Variants in TENM2 observed in about 807,000 individuals in gnomAD.
TENM2 encodes the protein teneurin-2.
In TENM2, 52 loss-of-function variants were observed where a neutral mutation model predicts 245.2. The ratio of observed to expected loss-of-function variants is 0.21; its 90% confidence interval spans 0.17 to 0.27. The LOEUF (loss-of-function observed/expected upper bound fraction) is 0.27, where lower values mean the gene tolerates loss of function less well. TENM2 is among the 10% of genes least tolerant of loss of function. The pLI is 1.00. For synonymous variants in TENM2, 1,363 were observed against 1,438.9 expected, an observed-to-expected ratio of 0.95 and a Z score of 1.19; for missense variants, 3,046 against 3,666.8, an observed-to-expected ratio of 0.83 and a Z score of 4.37.
intron 2 of TENM2, among the ~76,000 whole-genome samples, chr5:167,511,407 C>T (rs938176780): frequency 6.6e-6 from 1 of 152,158 alleles, no homozygotes; most frequent in Non-Finnish European, 1.5e-5. Flanking sequence ...CTCCTCCTCC[C>T]TAGGACAGAG....
chr5:167,739,847 A>G (rs1261909145), intron 2 of TENM2, among the ~76,000 whole-genome samples: 1 of 152,162 alleles, frequency 6.6e-6, no homozygotes, highest in African/African-American at 2.4e-5. Context: ...AAATGACACA[A>G]TATACACATG....
the TENM2 span, among the ~76,000 whole-genome samples, chr5:167,215,393 C>T: frequency 6.6e-6 from 1 of 152,182 alleles, no homozygotes; most frequent in South Asian, 2.1e-4. Flanking sequence ...ATGATATTCT[C>T]TCTCTTTGTT....
chr5:167,284,544 T>C (rs947862225), upstream of TENM2, among the ~76,000 whole-genome samples: 2 of 152,246 alleles, frequency 1.3e-5, no homozygotes, highest in South Asian at 2.1e-4. Context: ...ACTATTTTTT[T>C]CCAAATCTAT....
chr5:167,676,331 A>G (rs998604929), intron 2 of TENM2, among the ~76,000 whole-genome samples: 7 of 151,926 alleles, frequency 4.6e-5, no homozygotes, highest in African/African-American at 1.7e-4. Flanking sequence ...TTCTTCATCC[A>G]TCGCTAAACA....
At position 167,712,953 on chromosome 5, in the gene TENM2, G is replaced by A. The variant is rs548832666; in HGVS notation, c.503-163033G>A. On this transcript the variant is annotated intron_variant, in intron 2 of 28. Coordinates refer to ENST00000518659, the Ensembl canonical transcript of TENM2. ...ATCTTCTTGCTAGAAGCAACTGATT[G>A]TACCTATCAAGCCCAAGACAGAGCC... Among the ~76,000 whole-genome samples, 15 of 152,250 alleles carry A rather than the reference G, an allele frequency of 9.9e-5. No individual in the cohort carries two copies. The South Asian group carries it at 3.1e-3, about 32-fold the overall frequency.
At chr5:167,021,057 T>A in the TENM2 span, among the ~76,000 whole-genome samples, 1 of 152,108 alleles carries the variant, frequency 6.6e-6, no homozygotes, top group East Asian at 1.9e-4. Context: ...GGCACAAGAA[T>A]TGCTTCAACC....
the TENM2 span, among the ~76,000 whole-genome samples, chr5:167,157,308 T>C: frequency 1.3e-5 from 2 of 152,222 alleles, no homozygotes; most frequent in Non-Finnish European, 2.9e-5. Flanking sequence ...AGGTGGTTTG[T>C]TCTTTGATAA....
intron 2 of TENM2, among the ~76,000 whole-genome samples, chr5:167,530,703 G>C (rs1290468860): frequency 6.6e-6 from 1 of 152,152 alleles, no homozygotes; most frequent in Non-Finnish European, 1.5e-5. Flanking sequence ...CTTCGCTGTA[G>C]AGCTGTTCAG....
At chr5:167,116,824 G>A in the TENM2 span, 16 of 152,094 alleles carry the variant, frequency 1.1e-4, no homozygotes, top group Admixed American at 2.0e-4. Context: ...AGACTTTATT[G>A]TATTGTAATT....
intron 5 of TENM2, among the ~76,000 whole-genome samples, chr5:168,043,705 C>T (rs956213341): frequency 6.6e-6 from 1 of 152,210 alleles, no homozygotes; most frequent in African/African-American, 2.4e-5. Flanking sequence ...TTCATGTCTT[C>T]ATACATGCTG....
chr5:167,118,135 A>C, the TENM2 span, among the ~76,000 whole-genome samples: 2 of 152,254 alleles, frequency 1.3e-5, no homozygotes, highest in Admixed American at 1.3e-4. Flanking sequence ...AGTTATTCAT[A>C]GTATTCTTCC....
chr5:167,437,007 C>T (rs1357919781), intron 2 of TENM2, among the ~76,000 whole-genome samples: 1 of 152,176 alleles, frequency 6.6e-6, no homozygotes, highest in Non-Finnish European at 1.5e-5. Flanking sequence ...GGGGTTGGAG[C>T]CCCCTCACAG....
intron 5 of TENM2, among the ~76,000 whole-genome samples, chr5:168,029,925 A>G (rs1786963812): frequency 6.6e-6 from 1 of 152,138 alleles, no homozygotes. Context: ...GATAGTTTGG[A>G]AAGCAGAGTT....
chr5:167,463,794 C>G (rs1766477096), intron 2 of TENM2, among the ~76,000 whole-genome samples: 1 of 152,134 alleles, frequency 6.6e-6, no homozygotes, highest in Non-Finnish European at 1.5e-5. Flanking sequence ...CTGCGCCCAG[C>G]CGAAGATATT....
chr5:167,077,017 A>T, the TENM2 span, among the ~76,000 whole-genome samples: 1 of 152,046 alleles, frequency 6.6e-6, no homozygotes, highest in Non-Finnish European at 1.5e-5. Flanking sequence ...GTAAAGACAG[A>T]GTTTCACTAT....
chr5:167,336,844 G>T (rs1343666341), intron 1 of TENM2, among the ~76,000 whole-genome samples: 2 of 151,260 alleles, frequency 1.3e-5, no homozygotes, highest in African/African-American at 2.4e-5. Context: ...TCGGCCGGGT[G>T]CGGTGGCTCA....
chr5:168,048,232 G>C (rs1243313053), intron 6 of TENM2, among the ~76,000 whole-genome samples: 1 of 152,070 alleles, frequency 6.6e-6, no homozygotes, highest in African/African-American at 2.4e-5. Context: ...ACCATAGGGT[G>C]GGGGTGGGGG....
intron 2 of TENM2, among the ~76,000 whole-genome samples, chr5:167,665,544 A>G (rs1755518015): frequency 1.3e-5 from 2 of 152,214 alleles, no homozygotes; most frequent in Admixed American, 1.3e-4. Flanking sequence ...TTGTTAAAAT[A>G]TCTTTGGATG....
At chr5:167,766,282 A>G (rs949674537) in intron 2 of TENM2, among the ~76,000 whole-genome samples, 2 of 152,136 alleles carry the variant, frequency 1.3e-5, no homozygotes, top group Non-Finnish European at 2.9e-5. Flanking sequence ...AAAATTTTAC[A>G]TATTTAGAGC....
Sources: gnomAD v4.1 joint callset for allele counts (sites outside exome capture counted in the v4.1 genomes callset) on GRCh38, gnomAD v4.1.1 for gene constraint, MANE v1.5 for transcripts, NCBI Gene and HGNC (gene_info 2026-07-23, HGNC 2026-07-21) for gene names.